The following PDE4D variants were observed in gnomAD, a reference collection of about 807,000 sequenced individuals.
The protein encoded by PDE4D is 3',5'-cyclic-AMP phosphodiesterase 4D.
Under a neutral mutation model 87.4 loss-of-function variants are expected in PDE4D, and 24 were observed. The ratio of observed to expected loss-of-function variants is 0.27; its 90% CI spans 0.20 to 0.39. The LOEUF is 0.39. Among genes scored for constraint, PDE4D ranks in the 10% least tolerant of loss-of-function variants. The pLI, the probability that PDE4D is intolerant of heterozygous loss-of-function variation, is 1.00. For missense variants in PDE4D, 714 were observed against 1,041.0 expected (o/e 0.69, Z 4.32); for synonymous variants, 384 against 383.2 (o/e 1.00, Z -0.02).
intron 5 of PDE4D, among the ~76,000 whole-genome samples, chr5:59,095,413 G>A (rs778730529): frequency 8.4e-4 from 128 of 151,706 alleles, no homozygotes; most frequent in Non-Finnish European, 1.6e-3. Context: ...CAAAGGATAT[G>A]GTTTATCATA....
At chr5:59,092,233 C>A (rs1768879278) in intron 5 of PDE4D, among the ~76,000 whole-genome samples, 1 of 152,168 alleles carries the variant, frequency 6.6e-6, no homozygotes, top group African/African-American at 2.4e-5. Context: ...GCTGAATATT[C>A]TTTTCTTCCA....
chr5:59,778,422 AT>A (rs1243547096), intron 1 of PDE4D, among the ~76,000 whole-genome samples: 1 of 152,216 alleles, frequency 6.6e-6, no homozygotes, highest in East Asian at 1.9e-4. Context: ...ATGAAAATCA[AT>A]TTGAATTTCT....
intron 2 of PDE4D, among the ~76,000 whole-genome samples, chr5:60,042,828 A>G (rs920723954): frequency 1.3e-5 from 2 of 152,180 alleles, no homozygotes; most frequent in African/African-American, 2.4e-5. Context: ...AGATAAATCC[A>G]TGAAGATGGG....
chr5:59,301,210 C>G (rs1770181766), intron 1 of PDE4D, among the ~76,000 whole-genome samples: 1 of 151,968 alleles, frequency 6.6e-6, no homozygotes, highest in African/African-American at 2.4e-5. Context: ...AAGGCAGGAA[C>G]AGGTGAAAGG....
chr5:60,303,083 C>G (rs1754071509), intron 1 of PDE4D, among the ~76,000 whole-genome samples: 1 of 152,148 alleles, frequency 6.6e-6, no homozygotes, highest in African/African-American at 2.4e-5. Context: ...CTCACCTAGG[C>G]CTCCCCAAGT....
At chr5:59,867,644 C>T (rs1581499859) in intron 1 of PDE4D, among the ~76,000 whole-genome samples, 1 of 152,030 alleles carries the variant, frequency 6.6e-6, no homozygotes, top group Non-Finnish European at 1.5e-5. Flanking sequence ...ATAGTCATCA[C>T]TACACTGTAG....
At chr5:59,805,190 A>AGAT (rs966781019) in intron 1 of PDE4D, among the ~76,000 whole-genome samples, 1 of 152,250 alleles carries the variant, frequency 6.6e-6, no homozygotes, top group Non-Finnish European at 1.5e-5. Context: ...AAAATAAAAC[A>AGAT]GATTGATTTC....
chr5:59,309,683 G>T (rs927872096), intron 1 of PDE4D, among the ~76,000 whole-genome samples: 4 of 152,174 alleles, frequency 2.6e-5, no homozygotes, highest in East Asian at 1.9e-4. Flanking sequence ...TTGCTGGTTT[G>T]TTCTTGCAGT....
intron 1 of PDE4D, among the ~76,000 whole-genome samples, chr5:60,315,758 C>A (rs898145808): frequency 6.6e-6 from 1 of 152,018 alleles, no homozygotes; most frequent in Admixed American, 6.6e-5. Flanking sequence ...TTTCCCCATT[C>A]CTTGTTTTTG....
At chr5:59,766,736 G>A (rs1762847065) in intron 1 of PDE4D, among the ~76,000 whole-genome samples, 1 of 152,370 alleles carries the variant, frequency 6.6e-6, no homozygotes, top group Non-Finnish European at 1.5e-5. Flanking sequence ...CTCCTTCAGT[G>A]CATCTCCCAG....
chr5:60,351,957 C>T (rs553488898), intron 1 of PDE4D, among the ~76,000 whole-genome samples: 104 of 150,996 alleles, frequency 6.9e-4, no homozygotes, highest in South Asian at 3.8e-3. Context: ...AGGCGTGCAC[C>T]ACCACACCCG....
rs190710522 is a variant in PDE4D, at chr5:60,110,299, T to C, written c.42+75258A>G. On this transcript the variant is annotated intron_variant, in intron 2 of 16. Coordinates refer to the PDE4D transcript ENST00000502484. ...TGACAATGGACTAATATCCAGAATA[T>C]ACAAGGAACTCAAACAATTCAACAG... Among the ~76,000 whole-genome samples the C allele has an allele frequency of 3.1e-4, 47 of 152,082 alleles. 1 individual carries two copies. The highest frequency in any genetic ancestry group is 1.1e-3 in the African/African-American group (45 of 41,530).
At chr5:59,037,138 T>C (rs1365459514) in intron 6 of PDE4D, among the ~76,000 whole-genome samples, 2 of 152,228 alleles carry the variant, frequency 1.3e-5, no homozygotes, top group Non-Finnish European at 2.9e-5. Context: ...TCATTTACAA[T>C]ACATTATTAA....
chr5:60,410,561 C>T (rs1342355089), intron 1 of PDE4D, among the ~76,000 whole-genome samples: 5 of 152,324 alleles, frequency 3.3e-5, no homozygotes, highest in Non-Finnish European at 7.3e-5. Flanking sequence ...TAAGAAGCTA[C>T]CTCTTCTCCG....
intron 1 of PDE4D, among the ~76,000 whole-genome samples, chr5:59,529,931 A>G (rs1813888671): frequency 2.0e-5 from 3 of 152,160 alleles, no homozygotes; most frequent in Admixed American, 1.3e-4. Flanking sequence ...TGTGTTTCCT[A>G]AGGAGGGCCC....
At position 59,489,070 on chromosome 5, in the gene PDE4D, C is replaced by T. The variant is rs189654116; in HGVS notation, c.456-273102G>A. 2.9e-3 allele frequency among the ~76,000 whole-genome samples: 436 copies of T among 151,822 alleles called. 14 individuals carry two copies. The highest frequency in any genetic ancestry group is 8.2e-4 in the Non-Finnish European group (56 of 67,882). ...GGGAGGCTGAGGAGGGCGGATCACG[C>T]GGTCAAGAGATAGAGACCATCCTGG... On this transcript the variant is annotated intron_variant, in intron 1 of 14. Coordinates refer to ENST00000340635, the MANE Select transcript of PDE4D (RefSeq NM_001104631.2).
intron 2 of PDE4D, among the ~76,000 whole-genome samples, chr5:60,139,193 G>A (rs894917755): frequency 2.0e-5 from 3 of 151,984 alleles, no homozygotes; most frequent in South Asian, 2.1e-4. Context: ...ACAGTTCACC[G>A]CTAAGCCAAA....
chr5:60,113,139 C>T (rs1190544116), intron 2 of PDE4D, among the ~76,000 whole-genome samples: 1 of 152,098 alleles, frequency 6.6e-6, no homozygotes, highest in African/African-American at 2.4e-5. Context: ...GTCACTTTCA[C>T]ATTATGCATT....
chr5:59,216,620 A>T (rs1049212705), intron 1 of PDE4D: 2 of 154,694 alleles, frequency 1.3e-5, no homozygotes, highest in African/African-American at 4.8e-5. Flanking sequence ...TGCCAGTCTA[A>T]CCATCTGCTC....
Sources: gnomAD v4.1 joint callset for allele counts (sites outside exome capture counted in the v4.1 genomes callset) on GRCh38, gnomAD v4.1.1 for gene constraint, MANE v1.5 for transcripts, NCBI Gene and HGNC (gene_info 2026-07-23, HGNC 2026-07-21) for gene names.